The following B9D1 variants were observed in gnomAD, a reference collection of about 807,000 sequenced individuals.
B9D1 encodes B9 domain-containing protein 1.
B9D1 carries 20 observed loss-of-function variants against 26.1 expected under a neutral mutation model. The ratio of observed to expected loss-of-function variants is 0.77; its 90% CI spans 0.54 to 1.12. The LOEUF is 1.12. B9D1 is among the 50% of genes most tolerant of loss of function. The pLI is 0.00. For synonymous variants in B9D1, 105 were observed against 103.1 expected, an observed-to-expected ratio of 1.02 and a Z score of -0.11; for missense variants, 260 against 273.7, an observed-to-expected ratio of 0.95 and a Z score of 0.35.
At chr17:19,349,852 TATC>T (rs1909354147) in intron 3 of B9D1, among the ~76,000 whole-genome samples, 1 of 152,234 alleles carries the variant, frequency 6.6e-6, no homozygotes, top group Non-Finnish European at 1.5e-5. Context: ...CTTACCCTGA[TATC>T]ATGGCTATAG....
upstream of B9D1, among the ~76,000 whole-genome samples, chr17:19,366,539 C>T (rs1598099099): frequency 6.6e-6 from 1 of 152,100 alleles, no homozygotes. Flanking sequence ...GTGCTCCTAG[C>T]CCCCTTTTAC....
At chr17:19,373,960 T>C (rs1427393097) in intron 1 of B9D1, among the ~76,000 whole-genome samples, 2 of 152,212 alleles carry the variant, frequency 1.3e-5, no homozygotes, top group Admixed American at 6.5e-5. Flanking sequence ...ACATTTACAT[T>C]AGTTCAGGGG....
At chr17:19,375,721 G>A (rs775822052) in intron 1 of B9D1, among the ~76,000 whole-genome samples, 5 of 152,152 alleles carry the variant, frequency 3.3e-5, no homozygotes, top group Non-Finnish European at 4.4e-5. Flanking sequence ...CAGCCTGGGC[G>A]ATAGAGTGAG....
chr17:19,360,476 G>T, intron 1 of B9D1, 88 bp from the exon 2 acceptor site: 1 of 1,177,222 alleles, frequency 8.5e-7, no homozygotes, highest in Non-Finnish European at 1.3e-6. Context: ...GGGGAATTCT[G>T]AACGTGAGAC....
At chr17:19,352,546 A>C (rs1192085067) in intron 3 of B9D1, among the ~76,000 whole-genome samples, 2 of 84,666 alleles carry the variant, frequency 2.4e-5, no homozygotes, top group East Asian at 8.0e-4. Flanking sequence ...TTTGAGACGG[A>C]GTTTCGCTCT....
chr17:19,347,121 C>T lies in B9D1; in HGVS notation c.404+148G>A, dbSNP rs752300269. ...CTGAAGGGAGCCCCGTGACTCAGCA[C>T]TCCCAGGGGACCTGTTTCTATTTGT... On this transcript the variant is annotated intron_variant, in intron 5 of 6. Transcript: ENST00000261499. The surrounding 1 kb of genome is among the most constrained non-coding windows in gnomAD (Gnocchi z 4.3). 3.2e-6 allele frequency: 5 copies of T among 1,585,738 alleles called. No homozygotes were observed. In the Admixed American group the frequency reaches 7.4e-5, roughly 23 times the overall value.
At chr17:19,353,296 T>C (rs1323547066) in intron 3 of B9D1, among the ~76,000 whole-genome samples, 2 of 152,142 alleles carry the variant, frequency 1.3e-5, no homozygotes, top group Non-Finnish European at 2.9e-5. Context: ...AGAGAGATGC[T>C]GAAATCATTA....
Position 19,372,464 on chromosome 17 carries a change from G to A in B9D1, c.-298+5395C>T, listed in dbSNP as rs1415705383. Among the ~76,000 whole-genome samples, 3 of 152,164 alleles carry A rather than the reference G, an allele frequency of 2.0e-5. No homozygotes were observed. The highest frequency in any genetic ancestry group is 4.4e-5 in the Non-Finnish European group (3 of 68,042). ...CCTGAGATGTGCCACACTCTCACCCGCATCAGCTCTGTGTCCTTTGCCCCC... is the reference window on the plus strand; with the variant it reads ...CCTGAGATGTGCCACACTCTCACCCACATCAGCTCTGTGTCCTTTGCCCCC... On this transcript the variant is annotated intron_variant, in intron 1 of 5. Coordinates refer to the B9D1 transcript ENST00000477478. The surrounding 1 kb of genome is among the most constrained non-coding windows in gnomAD (Gnocchi z 4.4).
At chr17:19,377,518 G>A (rs1439254092) in intron 1 of B9D1, among the ~76,000 whole-genome samples, 1 of 152,188 alleles carries the variant, frequency 6.6e-6, no homozygotes, top group African/African-American at 2.4e-5. Flanking sequence ...CTTTTTTCTA[G>A]AAGCCGCCTA....
At chr17:19,377,664 A>G (rs1246477180) in intron 1 of B9D1, 1 of 191,340 alleles carries the variant, frequency 5.2e-6, no homozygotes, top group Non-Finnish European at 9.6e-6. Context: ...GCGGTGCTCC[A>G]TAAACATTTG....
At chr17:19,335,488 CCT>C, downstream of B9D1, 1 of 1,547,570 alleles carries the variant, frequency 6.5e-7, no homozygotes, top group South Asian at 1.2e-5. Context: ...TCTGTGATCT[CCT>C]CTGTCTTAAT....
chr17:19,349,227 T>C (rs1909273428), intron 3 of B9D1, among the ~76,000 whole-genome samples: 1 of 152,202 alleles, frequency 6.6e-6, no homozygotes, highest in Non-Finnish European at 1.5e-5. Flanking sequence ...TCACTGTAGC[T>C]TTAACTTATA....
At chr17:19,337,401 G>A (rs1362176570), downstream of B9D1, among the ~76,000 whole-genome samples, 1 of 152,214 alleles carries the variant, frequency 6.6e-6, no homozygotes, top group Non-Finnish European at 1.5e-5. Context: ...AGACCCTGAT[G>A]GGAAGGGTTG....
At chr17:19,349,497 C>T (rs1909308103) in intron 3 of B9D1, among the ~76,000 whole-genome samples, 1 of 151,910 alleles carries the variant, frequency 6.6e-6, no homozygotes, top group African/African-American at 2.4e-5. Context: ...GTGATCCTCC[C>T]ACCTCAGCCT....
At chr17:19,341,410 T>A (rs766391954), downstream of B9D1, 5 of 1,010,812 alleles carry the variant, frequency 4.9e-6, no homozygotes, top group Non-Finnish European at 6.4e-6. Context: ...GTGGGGCACA[T>A]GTGGAGGCTG....
intron 3 of B9D1, among the ~76,000 whole-genome samples, chr17:19,350,668 A>T (rs4924783): frequency 3.3e-5 from 5 of 151,936 alleles, no homozygotes; most frequent in Non-Finnish European, 7.4e-5. Context: ...TTGCAGAAAA[A>T]ATCTTTCAAC....
downstream of B9D1, among the ~76,000 whole-genome samples, chr17:19,337,100 A>G (rs942945626): frequency 1.3e-5 from 2 of 152,198 alleles, no homozygotes; most frequent in East Asian, 1.9e-4. Flanking sequence ...TCTTGTGTCC[A>G]TGCTGCAGAA....
intron 3 of B9D1, among the ~76,000 whole-genome samples, chr17:19,353,890 A>G (rs1598073584): frequency 1.3e-5 from 2 of 152,220 alleles, no homozygotes. Context: ...CAGTGAGCCG[A>G]GATCGTGCCA....
At chr17:19,365,412 T>C (rs977016087), upstream of B9D1, among the ~76,000 whole-genome samples, 1 of 152,230 alleles carries the variant, frequency 6.6e-6, no homozygotes, top group African/African-American at 2.4e-5. The surrounding 1 kb of genome is among the most constrained non-coding windows in gnomAD (Gnocchi z 5.0). Context: ...CTCCTGGCTG[T>C]GCACCCACCT....
Sources: allele counts gnomAD v4.1 joint callset (sites outside exome capture counted in the v4.1 genomes callset), GRCh38; gene constraint gnomAD v4.1.1; non-coding constraint Gnocchi (gnomAD v3.1); transcripts MANE v1.5; gene names NCBI Gene and HGNC (gene_info 2026-07-23, HGNC 2026-07-21).